Variants in RBFOX1 observed in about 807,000 individuals in gnomAD.
RBFOX1 encodes the protein RNA binding protein fox-1 homolog 1.
In RBFOX1, 8 loss-of-function variants were observed where a neutral mutation model predicts 57.7. That is an observed-to-expected ratio of 0.14 (90% CI 0.08 to 0.25). The LOEUF (loss-of-function observed/expected upper bound fraction) is 0.25, where lower values mean the gene tolerates loss of function less well. RBFOX1 is among the 10% of genes least tolerant of loss of function. The pLI, the probability that RBFOX1 is intolerant of heterozygous loss-of-function variation, is 1.00. For synonymous variants in RBFOX1, 326 were observed against 222.4 expected (o/e 1.47, Z -4.15); for missense variants, 611 against 548.5 (o/e 1.11, Z -1.14).
chr16:7,585,230 G>A (rs1405351800), intron 6 of RBFOX1, among the ~76,000 whole-genome samples: 2 of 152,152 alleles, frequency 1.3e-5, no homozygotes, highest in East Asian at 1.9e-4. Flanking sequence ...TCTTTACTAT[G>A]AAATTCAGCT....
chr16:7,380,805 T>C (rs1023801453), intron 4 of RBFOX1, among the ~76,000 whole-genome samples: 2 of 152,214 alleles, frequency 1.3e-5, no homozygotes, highest in African/African-American at 4.8e-5. Context: ...AAATCCCTAA[T>C]GAGAAATTCA....
intron 4 of RBFOX1, among the ~76,000 whole-genome samples, chr16:7,444,021 G>A (rs1373871899): frequency 3.9e-5 from 6 of 152,118 alleles, no homozygotes; most frequent in Admixed American, 2.6e-4. Context: ...AGTTAGAATT[G>A]TTTTCTGTGG....
chr16:6,033,312 T>C (rs1485977312), intron 1 of RBFOX1, among the ~76,000 whole-genome samples: 1 of 152,206 alleles, frequency 6.6e-6, no homozygotes, highest in Non-Finnish European at 1.5e-5. Flanking sequence ...ATTTGATGCT[T>C]TGCTTTATTT....
At chr16:7,370,492 C>A (rs1388085966) in intron 4 of RBFOX1, among the ~76,000 whole-genome samples, 1 of 152,148 alleles carries the variant, frequency 6.6e-6, no homozygotes, top group South Asian at 2.1e-4. Flanking sequence ...CGGGTAAGTT[C>A]TGTCTCCCTC....
intron 3 of RBFOX1, among the ~76,000 whole-genome samples, chr16:6,916,898 A>G (rs767667583): frequency 3.9e-5 from 6 of 152,100 alleles, no homozygotes; most frequent in Non-Finnish European, 7.4e-5. Context: ...TGCCCAGGCT[A>G]GAGTGCAGTG....
chr16:6,170,888 G>T (rs2096955335), intron 1 of RBFOX1, among the ~76,000 whole-genome samples: 1 of 152,090 alleles, frequency 6.6e-6, no homozygotes, highest in Non-Finnish European at 1.5e-5. Flanking sequence ...ATGGCCTCCA[G>T]CTCCATCCAG....
chr16:6,587,679 T>C (rs2097649319), intron 2 of RBFOX1, among the ~76,000 whole-genome samples: 1 of 152,192 alleles, frequency 6.6e-6, no homozygotes, highest in African/African-American at 2.4e-5. Context: ...TAGAGGTTTT[T>C]AGTGTAAAAA....
intron 3 of RBFOX1, among the ~76,000 whole-genome samples, chr16:5,726,143 C>T (rs954570499): frequency 7.9e-5 from 12 of 151,746 alleles, no homozygotes; most frequent in Middle Eastern, 3.4e-3. Flanking sequence ...AAACTCCTTT[C>T]GTCCCAGTTT....
At chr16:6,652,683 G>C (rs34005634) in intron 2 of RBFOX1, among the ~76,000 whole-genome samples, 5 of 151,972 alleles carry the variant, frequency 3.3e-5, no homozygotes, top group Admixed American at 1.3e-4. Context: ...ATTCCTAGCC[G>C]ACTCATACAA....
At chr16:6,680,379 C>T (rs560418743) in intron 3 of RBFOX1, among the ~76,000 whole-genome samples, 19 of 150,144 alleles carry the variant, frequency 1.3e-4, no homozygotes, top group African/African-American at 3.9e-4. Flanking sequence ...TCTCCTGCCT[C>T]AGCCTCCCGA....
intron 4 of RBFOX1, among the ~76,000 whole-genome samples, chr16:6,004,247 C>T (rs1221633341): frequency 6.6e-6 from 1 of 152,188 alleles, no homozygotes; most frequent in African/African-American, 2.4e-5. Context: ...TACAGCCTGA[C>T]TACCTGGCTT....
At chr16:7,596,079 A>C (rs2094674644) in intron 8 of RBFOX1, among the ~76,000 whole-genome samples, 1 of 68,408 alleles carries the variant, frequency 1.5e-5, no homozygotes, top group Admixed American at 1.9e-4. Flanking sequence ...AGCAAAAAAG[A>C]TTGTTTTTTT....
chr16:7,512,712 G>A (rs1237696836), intron 4 of RBFOX1, among the ~76,000 whole-genome samples: 1 of 152,204 alleles, frequency 6.6e-6, no homozygotes, highest in African/African-American at 2.4e-5. Flanking sequence ...GGCACCAGTG[G>A]TGCCCCCAGC....
chr16:5,740,042 T>C lies in RBFOX1; in HGVS notation c.319-127261T>C, dbSNP rs74006246. 5.0e-3 allele frequency among the ~76,000 whole-genome samples: 765 copies of C among 152,118 alleles called. 6 individuals are homozygous for C. The highest frequency in any genetic ancestry group is 0.015 in the African/African-American group (634 of 41,470). On this transcript the variant is annotated intron_variant, in intron 3 of 19. Coordinates refer to the RBFOX1 transcript ENST00000641259. ...TGCTGCAGAACTGCTCTCTTTGAAA[T>C]TGGTATTTTTCCACAGCAAACAGAA...
At position 6,495,931 on chromosome 16, in the gene RBFOX1, G is replaced by C. The variant is rs552477065; in HGVS notation, c.-63-158672G>C. On this transcript the variant is annotated intron_variant, in intron 2 of 15. Transcript: ENST00000550418. The stretch of plus-strand genomic sequence containing the variant: ...CTTTACATTAATCCTTGAGCTTTTC[G>C]TTCCTCCAAAGGCATTTTATATTTC... Among the ~76,000 whole-genome samples the C allele has an allele frequency of 4.6e-5, 7 of 152,242 alleles. No individual in the cohort carries two copies. In the South Asian group the frequency reaches 1.5e-3, roughly 32 times the overall value.
At chr16:6,118,682 T>C (rs894641097) in intron 1 of RBFOX1, among the ~76,000 whole-genome samples, 1 of 149,990 alleles carries the variant, frequency 6.7e-6, no homozygotes, top group Non-Finnish European at 1.5e-5. Context: ...CCTTCTTCCT[T>C]CCTTCCTTTC....
Position 6,639,021 on chromosome 16 carries a change from T to G in RBFOX1, c.-63-15582T>G, listed in dbSNP as rs543869761. ...CAAGTGAATCCTGAAAGTATCAGTT[T>G]CCAAGGAGACCTGTGGCCCCACCCA... On this transcript the variant is annotated intron_variant, in intron 2 of 15. Coordinates refer to ENST00000550418, the MANE Select transcript of RBFOX1 (RefSeq NM_018723.4). 2.4e-4 allele frequency among the ~76,000 whole-genome samples: 36 copies of G among 152,336 alleles called. No individual in the cohort carries two copies. The South Asian group carries it at 7.3e-3, about 31-fold the overall frequency.
chr16:7,562,513 G>T (rs907417684), intron 5 of RBFOX1, among the ~76,000 whole-genome samples: 1 of 152,124 alleles, frequency 6.6e-6, no homozygotes, highest in African/African-American at 2.4e-5. Flanking sequence ...GAATGACAGA[G>T]GATGGCTGAT....
chr16:6,089,279 A>G (rs1205263119), intron 1 of RBFOX1, among the ~76,000 whole-genome samples: 1 of 152,140 alleles, frequency 6.6e-6, no homozygotes, highest in Non-Finnish European at 1.5e-5. Flanking sequence ...GTAATGATTC[A>G]GCTGAGTCTT....
Sources: gnomAD v4.1 joint callset for allele counts (sites outside exome capture counted in the v4.1 genomes callset) on GRCh38, gnomAD v4.1.1 for gene constraint, MANE v1.5 for transcripts, NCBI Gene and HGNC (gene_info 2026-07-23, HGNC 2026-07-21) for gene names.